MYH7B: variants seen among roughly 807,000 people sequenced by gnomAD.
The protein encoded by MYH7B is myosin-7B.
A neutral mutation model predicts 234.5 loss-of-function variants in MYH7B; 205 were observed. That is an observed-to-expected ratio of 0.87 (90% CI 0.78 to 0.98). The LOEUF (loss-of-function observed/expected upper bound fraction) is 0.98, where lower values mean the gene tolerates loss of function less well. Among genes scored for constraint, MYH7B ranks in the 50% least tolerant of loss-of-function variants. The pLI is 0.00. For synonymous variants in MYH7B, 1,193 were observed against 1,105.0 expected (o/e 1.08, Z -1.58); for missense variants, 2,652 against 2,633.4 (o/e 1.01, Z -0.15).
Position 34,980,914 on chromosome 20 carries a change from C to A in MYH7B, c.500-119C>A. 2 of 1,517,138 alleles carry A rather than the reference C, an allele frequency of 1.3e-6. 1 individual carries two copies. The highest frequency in any genetic ancestry group is 2.3e-5 in the South Asian group (2 of 88,304). 94.0% of individuals were successfully genotyped at this position (1,517,138 alleles called of 1,614,324 possible). ...CCTCCACTAGGGACAGCCCCACCTG[C>A]TCCTTCCCATTCCTGGCTCTGGGTG... On this transcript the variant is annotated intron_variant, in intron 8 of 44. Coordinates refer to ENST00000262873, the Ensembl canonical transcript of MYH7B.
At chr20:34,979,224 C>T (rs2081902741) in intron 5 of MYH7B, among the ~76,000 whole-genome samples, 166 bp from the exon 6 acceptor site, 1 of 152,196 alleles carries the variant, frequency 6.6e-6, no homozygotes, top group Admixed American at 6.5e-5. Context: ...CAGCTCCGCC[C>T]TTCCTGAGCC....
intron 2 of MYH7B, among the ~76,000 whole-genome samples, chr20:34,969,835 G>A (rs1189756793): frequency 2.0e-5 from 3 of 151,738 alleles, no homozygotes; most frequent in Non-Finnish European, 2.9e-5. Context: ...GTGAGCCACC[G>A]TACCCGGCCA....
At chr20:34,979,952 G>GGGTGGGGCTGTGAGCGATGA in intron 7 of MYH7B, 148 bp downstream of exon 7, 1 of 905,992 alleles carries the variant, frequency 1.1e-6, no homozygotes, top group South Asian at 1.7e-5. Flanking sequence ...TCCATAGCGG[G>GGGTGGGGCTGTGAGCGATGA]GGTGGGGCTG....
At position 34,998,782 on chromosome 20, in the gene MYH7B, CAACACG is replaced by C. The variant is rs770168111; in HGVS notation, c.4059_4064del (p.His1354_Glu1355del). 17 of 1,613,138 alleles carry C rather than the reference CAACACG, an allele frequency of 1.1e-5. No homozygotes were observed. In the South Asian group the frequency reaches 1.8e-4, roughly 17 times the overall value. ...GCACGACTGTGACCTCCTGCGGGAG[CAACACG>C]AGGAGGAGGCTGAGGCCCAGGCTGA... On this transcript the variant is annotated inframe_deletion, in exon 35 of 45. Transcript: ENST00000262873.
At chr20:34,969,932 C>T (rs1355207202) in intron 2 of MYH7B, among the ~76,000 whole-genome samples, 3 of 152,028 alleles carry the variant, frequency 2.0e-5, no homozygotes, top group African/African-American at 7.3e-5. Context: ...AGGTACTATT[C>T]TAAGCATTTT....
intron 38 of MYH7B, 87 bp downstream of exon 38, chr20:34,999,993 C>A: frequency 1.6e-6 from 2 of 1,283,810 alleles, no homozygotes; most frequent in Non-Finnish European, 1.1e-6. Flanking sequence ...CTGTCCCTCC[C>A]ATGGGACTTT....
exon 35 of MYH7B, chr20:34,998,824 C>T: frequency 1.9e-6 from 3 of 1,613,252 alleles, no homozygotes; most frequent in African/African-American, 2.7e-5. Flanking sequence ...GCTGCAGCGG[C>T]TGCTGTCCAA....
In MYH7B at chr20:34,976,610, A is replaced by G. The variant is rs969419269; in HGVS notation, c.-121-1022A>G. 4.9e-4 allele frequency among the ~76,000 whole-genome samples: 75 copies of G among 152,250 alleles called. 1 individual carries two copies. Among genetic ancestry groups the G allele is most frequent in the African/African-American group, 1.7e-3 (71 of 41,548 alleles). On this transcript the variant is annotated intron_variant, in intron 3 of 44. Transcript: ENST00000262873. ...GAAGGTGGCTTCCTGTGAATCTTCA[A>G]TGTGGGGATCTGAAGGGGCTCCTAA...
rs965647773 is a variant in MYH7B, at chr20:35,001,440, G to A, written c.5590G>A (p.Asp1864Asn). 22 of 1,601,776 alleles carry A rather than the reference G, an allele frequency of 1.4e-5. No individual in the cohort carries two copies. The highest frequency in any genetic ancestry group is 1.8e-5 in the Non-Finnish European group (21 of 1,174,434). ...CCCCTTGCCCGCCCAGGCCGAGGAGGACAGGAAGAACCTGGCTCGCATGCA... is the reference window on the plus strand; with the variant it reads ...CCCCTTGCCCGCCCAGGCCGAGGAGAACAGGAAGAACCTGGCTCGCATGCA... The change falls in exon 43 of 45, where the codon GAC becomes AAC. Residue 1864 changes from aspartate to asparagine, a missense_variant. Physicochemically the swap from Asp to Asn is conservative, Grantham distance 23. This residue lies in a region of MYH7B where 2,279 missense variants were observed against 2,211.4 expected (regional missense o/e 1.03). Transcript: ENST00000262873.
chr20:34,992,531 T>C (rs936896860), intron 24 of MYH7B, among the ~76,000 whole-genome samples: 1 of 150,802 alleles, frequency 6.6e-6, no homozygotes, highest in African/African-American at 2.4e-5. Flanking sequence ...AAAAACTTAA[T>C]GAATGCATTT....
chr20:34,984,688 C>T lies in MYH7B; in HGVS notation c.625-4C>T. 6.2e-7 allele frequency: 1 copy of T among 1,604,286 alleles called. No individual in the cohort carries two copies. Among genetic ancestry groups the T allele is most frequent in the Non-Finnish European group, 8.5e-7 (1 of 1,177,288 alleles). The stretch of plus-strand genomic sequence containing the variant: ...CTCTAATGTTGTCTGTCTTCTTCCC[C>T]CAGCAATTTCTGGCAACAAAGACGG... On this transcript the variant is annotated splice_polypyrimidine_tract_variant and splice_region_variant and intron_variant, in intron 10 of 44. Transcript: ENST00000262873.
In MYH7B at chr20:34,982,572, C is replaced by T. The variant is rs371745375; in HGVS notation, c.624+17C>T. 36 of 1,530,490 alleles carry T rather than the reference C, an allele frequency of 2.4e-5. No homozygotes were observed. Among genetic ancestry groups the T allele is most frequent in the African/African-American group, 1.8e-4 (13 of 71,830 alleles). The allele number at this position is 1,530,490 out of a possible 1,614,324, so 94.8% of individuals were successfully genotyped here. ...AAGAAGGCCGTAAGACTTGCCCACT[C>T]GGGCATGCTCCCCGTTGCTTCTCGC... is the stretch of plus-strand genomic sequence containing the variant. On this transcript the variant is annotated intron_variant, in intron 10 of 44. Transcript: ENST00000262873.
intron 8 of MYH7B, 69 bp downstream of exon 8, chr20:34,980,803 A>T (rs1569036102): frequency 1.3e-6 from 2 of 1,581,474 alleles, no homozygotes; most frequent in African/African-American, 2.7e-5. Flanking sequence ...TCTGTAAGGG[A>T]CCCCCTTCCC....
chr20:34,990,907 T>C lies in MYH7B; in HGVS notation c.2065+82T>C. 2.5e-6 allele frequency: 4 copies of C among 1,570,094 alleles called. No individual in the cohort carries two copies. In the South Asian group the frequency reaches 4.4e-5, roughly 17 times the overall value. On this transcript the variant is annotated intron_variant, in intron 23 of 44. Coordinates refer to ENST00000262873, the Ensembl canonical transcript of MYH7B. ...GGCAGAGGCCGGGAGGCTGAGTACA[T>C]CTTCCCCCTCACCTCGCAGGGTCTC...
intron 11 of MYH7B, 50 bp from the exon 12 acceptor site, chr20:34,984,804 C>T (rs760385443): frequency 5.6e-6 from 9 of 1,599,730 alleles, no homozygotes; most frequent in African/African-American, 2.7e-5. Context: ...TCTGGCCTCC[C>T]GGTGGGTAGG....
chr20:34,995,816 G>A (rs767097384), intron 28 of MYH7B, among the ~76,000 whole-genome samples: 34 of 152,388 alleles, frequency 2.2e-4, no homozygotes, highest in Non-Finnish European at 7.3e-5. Flanking sequence ...CCTAGGCCTT[G>A]CACACGGTAG....
At chr20:34,982,684 C>T in intron 10 of MYH7B, 129 bp downstream of exon 10, 2 of 794,618 alleles carry the variant, frequency 2.5e-6, no homozygotes, top group Non-Finnish European at 1.9e-6. Context: ...CTGCCTGAGC[C>T]TCCCACCCTG....
chr20:34,988,636 G>GGT (rs1569045902), intron 19 of MYH7B, among the ~76,000 whole-genome samples: 2 of 151,892 alleles, frequency 1.3e-5, no homozygotes, highest in African/African-American at 4.8e-5. Context: ...TGCAGGGCAG[G>GGT]GTGTGTTTCC....
exon 40 of MYH7B, chr20:35,000,832 T>TGGAGGAGGC: frequency 5.6e-6 from 9 of 1,611,512 alleles, no homozygotes; most frequent in Non-Finnish European, 7.6e-6. Flanking sequence ...AGCGGGGAGG[T>TGGAGGAGGC]GGAGGAGGCT....
Sources: gnomAD v4.1 joint callset for allele counts (sites outside exome capture counted in the v4.1 genomes callset) on GRCh38, gnomAD v4.1.1 for gene constraint, gnomAD v4.1.1 regional missense constraint, MANE v1.5 for transcripts, NCBI Gene and HGNC (gene_info 2026-07-23, HGNC 2026-07-21) for gene names.